Variants in ADAD1 observed in about 807,000 individuals in gnomAD.
The protein encoded by ADAD1 is adenosine deaminase domain-containing protein 1.
Under a neutral mutation model 66.8 loss-of-function variants are expected in ADAD1, and 46 were observed. That is an observed-to-expected ratio of 0.69 (90% CI 0.54 to 0.88). The LOEUF (loss-of-function observed/expected upper bound fraction) is 0.88, where lower values mean the gene tolerates loss of function less well. Ranked by LOEUF, ADAD1 falls within the 40% of genes least tolerant of loss-of-function variation. ADAD1 has a pLI of 0.00. For missense variants in ADAD1, 617 were observed against 681.8 expected, an observed-to-expected ratio of 0.91 and a Z score of 1.06; for synonymous variants, 248 against 229.4, an observed-to-expected ratio of 1.08 and a Z score of -0.73.
At chr4:122,414,959 CTTAGATGT>C (rs146865370) in intron 10 of ADAD1, among the ~76,000 whole-genome samples, 37,463 of 151,654 alleles carry the variant, frequency 0.25, 5,544 homozygotes, top group Middle Eastern at 0.51. Context: ...ATTTGTGGCC[CTTAGATGT>C]TTGAAAGTAA....
At position 122,415,471 on chromosome 4, in the gene ADAD1, T is replaced by C; in HGVS notation, c.1342T>C (p.Leu448=). 6.2e-7 allele frequency: 1 copy of C among 1,613,982 alleles called. No individual in the cohort carries two copies. Among genetic ancestry groups the C allele is most frequent in the Middle Eastern group, 1.7e-4 (1 of 6,060 alleles). The change falls in exon 11 of 13, where the codon TTA becomes CTA. Residue 448 remains leucine (L), a synonymous_variant. Transcript: ENST00000296513. ...ALTSKLPMFY[L]VNRPHISLVP... is the part of the protein sequence containing the mutation. ...CACTTCAAAACTTCCAATGTTTTAC[T>C]TAGTCAACAGACCTCATATTAGTTT...
intron 5 of ADAD1, among the ~76,000 whole-genome samples, chr4:122,390,766 A>T (rs1030073300): frequency 6.6e-6 from 1 of 152,016 alleles, no homozygotes; most frequent in Admixed American, 6.5e-5. Context: ...TCCTTTTACC[A>T]AGGTTCTTAG....
At chr4:122,416,422 G>A (rs893110857) in intron 11 of ADAD1, among the ~76,000 whole-genome samples, 3 of 152,146 alleles carry the variant, frequency 2.0e-5, no homozygotes, top group African/African-American at 4.8e-5. Flanking sequence ...AAATTTAAAT[G>A]AAGACCACAT....
At chr4:122,394,618 G>A (rs1795610726) in intron 6 of ADAD1, among the ~76,000 whole-genome samples, 1 of 152,214 alleles carries the variant, frequency 6.6e-6, no homozygotes, top group South Asian at 2.1e-4. Flanking sequence ...TAGATATAGT[G>A]TGTGGCCTAA....
chr4:122,401,867 C>A (rs887943160), intron 7 of ADAD1, among the ~76,000 whole-genome samples: 1 of 151,890 alleles, frequency 6.6e-6, no homozygotes, highest in East Asian at 1.9e-4. Flanking sequence ...CACCTCTTTA[C>A]CTTATGTGAG....
At chr4:122,418,506 T>G (rs371998815) in intron 11 of ADAD1, among the ~76,000 whole-genome samples, 11 of 151,984 alleles carry the variant, frequency 7.2e-5, no homozygotes, top group African/African-American at 2.7e-4. Flanking sequence ...GTATTTTTAG[T>G]AGAAAGGAGG....
Position 122,427,936 on chromosome 4 carries a change from G to C in ADAD1, c.1618-1690G>C, listed in dbSNP as rs537838501. ...GCTATAGTAATTAAGACAATGTATTGATGTAATAATAGAAATATAGATCAG... is the reference window on the plus strand; with the variant it reads ...GCTATAGTAATTAAGACAATGTATTCATGTAATAATAGAAATATAGATCAG... On this transcript the variant is annotated intron_variant, in intron 12 of 12. Coordinates refer to ENST00000296513, the MANE Select transcript of ADAD1 (RefSeq NM_139243.4). Among the ~76,000 whole-genome samples, 16 of 152,254 alleles carry C rather than the reference G, an allele frequency of 1.1e-4. No individual in the cohort carries two copies. The East Asian group carries it at 2.5e-3, about 24-fold the overall frequency.
In ADAD1 at chr4:122,411,205, T is replaced by C. The variant is rs371956235; in HGVS notation, c.849-17T>C. On this transcript the variant is annotated splice_polypyrimidine_tract_variant and intron_variant, in intron 8 of 12. Coordinates refer to ENST00000296513, the MANE Select transcript of ADAD1 (RefSeq NM_139243.4). ...TATAAAGTTTATTACTTGACAAAAT[T>C]ATAACATTTATTTTAGGTACTTTTA... 58 of 1,560,212 alleles carry C rather than the reference T, an allele frequency of 3.7e-5. No homozygotes were observed. The highest frequency in any genetic ancestry group is 4.7e-5 in the Non-Finnish European group (54 of 1,152,666).
intron 10 of ADAD1, among the ~76,000 whole-genome samples, chr4:122,414,666 C>G (rs1233875141): frequency 6.6e-6 from 1 of 152,084 alleles, no homozygotes; most frequent in Non-Finnish European, 1.5e-5. Flanking sequence ...TACAAAGATT[C>G]TGTTGTTGCA....
At chr4:122,396,917 T>C (rs1339358128) in intron 7 of ADAD1, among the ~76,000 whole-genome samples, 1 of 152,186 alleles carries the variant, frequency 6.6e-6, no homozygotes, top group Non-Finnish European at 1.5e-5. Context: ...ATAAATATAC[T>C]AGTCGAAAGT....
intron 7 of ADAD1, among the ~76,000 whole-genome samples, chr4:122,400,885 CTT>C (rs1256171171): frequency 6.6e-6 from 1 of 151,956 alleles, no homozygotes; most frequent in Non-Finnish European, 1.5e-5. Context: ...GATCTTGTCT[CTT>C]CTTTTCTTGG....
In ADAD1 at chr4:122,379,013, A is replaced by C. The variant is rs1304831225; in HGVS notation, c.-185A>C. 4 of 152,328 alleles carry C rather than the reference A, an allele frequency of 2.6e-5. No individual in the cohort carries two copies. The highest frequency in any genetic ancestry group is 6.5e-5 in the Admixed American group (1 of 15,280). 9.4% of individuals were successfully genotyped at this position (152,328 alleles called of 1,614,324 possible). A position where few individuals can be genotyped will look rare whatever the true frequency, so the allele number is the denominator to read the frequency against. On this transcript the variant is annotated 5_prime_UTR_variant, in exon 1 of 13. Transcript: ENST00000296513. ...AGGACGTGTGAGGTAGTTTTTCTGT[A>C]AACAGGAAGGCCACAGTGGAGGCCA...
Position 122,411,235 on chromosome 4 carries a change from C to T in ADAD1, c.862C>T (p.Gln288Ter), listed in dbSNP as rs1427325813. The T allele has an allele frequency of 6.3e-7, 1 of 1,596,220 alleles. No individual in the cohort carries two copies. The highest frequency in any genetic ancestry group is 8.5e-7 in the Non-Finnish European group (1 of 1,175,064). The change falls in exon 9 of 13, where the codon CAA becomes TAA. Residue 288 changes from glutamine to a stop codon, truncating the protein, a stop_gained. Coordinates refer to ENST00000296513, the MANE Select transcript of ADAD1 (RefSeq NM_139243.4). LOFTEE classifies it high-confidence loss of function. ...CATTTATTTTAGGTACTTTTATAGA[C>T]AACTTCTGCTCTTCTACAGCAAAAA... ...RRSLLRYFYRQLLLFYSKNPA... is the reference protein window; with the variant it reads ...RRSLLRYFYR
intron 9 of ADAD1, among the ~76,000 whole-genome samples, chr4:122,411,925 G>A (rs1796484761): frequency 6.6e-6 from 1 of 152,056 alleles, no homozygotes; most frequent in Non-Finnish European, 1.5e-5. Context: ...ATGGATTTAT[G>A]CACTACTCAC....
At chr4:122,427,523 CTTTTTT>C (rs59864757) in intron 12 of ADAD1, among the ~76,000 whole-genome samples, 2 of 71,980 alleles carry the variant, frequency 2.8e-5, no homozygotes, top group African/African-American at 1.1e-4. Flanking sequence ...ATCCAAAGGC[CTTTTTT>C]TTTTTTTTTT....
chr4:122,423,062 C>T (rs184728778), intron 12 of ADAD1, among the ~76,000 whole-genome samples: 82 of 151,510 alleles, frequency 5.4e-4, no homozygotes, highest in Admixed American at 5.9e-4. Context: ...AGGCTTTTCT[C>T]ATTCATTTTC....
intron 12 of ADAD1, 113 bp from the exon 13 acceptor site, chr4:122,429,513 A>G (rs1797418737): frequency 1.6e-6 from 1 of 613,186 alleles, no homozygotes; most frequent in Non-Finnish European, 2.8e-6. Flanking sequence ...AGGAATTAAA[A>G]AAGACTTTGA....
At chr4:122,384,961 T>A (rs1795093217) in intron 5 of ADAD1, among the ~76,000 whole-genome samples, 1 of 152,212 alleles carries the variant, frequency 6.6e-6, no homozygotes, top group African/African-American at 2.4e-5. Context: ...TTTAACGATA[T>A]ATTCTGTCTT....
intron 11 of ADAD1, among the ~76,000 whole-genome samples, chr4:122,419,920 ATAT>A (rs1441435024): frequency 6.6e-6 from 1 of 152,238 alleles, no homozygotes; most frequent in Admixed American, 6.5e-5. Context: ...TAGTCAAAAA[ATAT>A]TATCATGATT....
Sources: gnomAD v4.1 joint callset for allele counts (sites outside exome capture counted in the v4.1 genomes callset) on GRCh38, gnomAD v4.1.1 for gene constraint, MANE v1.5 for transcripts, NCBI Gene and HGNC (gene_info 2026-07-23, HGNC 2026-07-21) for gene names.